The following ASCC1 variants were observed in gnomAD, a reference collection of about 807,000 sequenced individuals.
The protein encoded by ASCC1 is activating signal cointegrator 1 complex subunit 1.
A neutral mutation model predicts 46.6 loss-of-function variants in ASCC1; 35 were observed. The observed-to-expected ratio is 0.75, with a 90% CI of 0.57 to 0.99. The LOEUF (loss-of-function observed/expected upper bound fraction) is 0.99. ASCC1 is among the 50% of genes least tolerant of loss of function. The pLI is 0.00. For synonymous variants in ASCC1, 143 were observed against 146.6 expected, an observed-to-expected ratio of 0.98 and a Z score of 0.18; for missense variants, 376 against 428.7, an observed-to-expected ratio of 0.88 and a Z score of 1.09.
At chr10:72,104,778 T>C (rs1373109034) in intron 9 of ASCC1, among the ~76,000 whole-genome samples, 1 of 152,116 alleles carries the variant, frequency 6.6e-6, no homozygotes, top group Non-Finnish European at 1.5e-5. Context: ...TACAAATATT[T>C]AATGAGGAAA....
chr10:72,134,831 G>A (rs556298681), intron 7 of ASCC1, among the ~76,000 whole-genome samples: 3 of 152,230 alleles, frequency 2.0e-5, no homozygotes, highest in South Asian at 4.1e-4. Context: ...GGGAAAAAAG[G>A]AATAACCGTA....
intron 9 of ASCC1, among the ~76,000 whole-genome samples, chr10:72,103,217 C>G (rs1589157901): frequency 1.3e-5 from 2 of 151,094 alleles, no homozygotes; most frequent in Non-Finnish European, 3.0e-5. Flanking sequence ...ACTGCAAGCT[C>G]CACCTCCCGG....
At chr10:72,125,753 AAGG>A (rs1403193906) in intron 9 of ASCC1, among the ~76,000 whole-genome samples, 1 of 152,188 alleles carries the variant, frequency 6.6e-6, no homozygotes, top group Non-Finnish European at 1.5e-5. Flanking sequence ...TACTATACTA[AAGG>A]ATACGTCATC....
chr10:72,195,040 C>T (rs1855153324), intron 5 of ASCC1, among the ~76,000 whole-genome samples: 1 of 151,868 alleles, frequency 6.6e-6, no homozygotes, highest in South Asian at 2.1e-4. Context: ...CCATGCCCGG[C>T]CCAGATTATG....
chr10:72,163,716 C>CA (rs1237363149), intron 5 of ASCC1, among the ~76,000 whole-genome samples: 1 of 151,574 alleles, frequency 6.6e-6, no homozygotes, highest in African/African-American at 2.4e-5. Context: ...GCCTAGGAGA[C>CA]AGAGTGAGAC....
In ASCC1 at chr10:72,207,981, TA is replaced by T. The variant is rs1276269229; in HGVS notation, c.212+2750del. On this transcript the variant is annotated intron_variant, in intron 3 of 9. Transcript: ENST00000672957. The stretch of plus-strand genomic sequence containing the variant: ...CACTCACTACCACGCCTGGCTAATT[TA>T]TTTTTTTTATTTTTATTTTTTGTTG... Among the ~76,000 whole-genome samples the T allele has an allele frequency of 5.3e-5, 8 of 152,072 alleles. No individual in the cohort carries two copies. In the East Asian group the frequency reaches 1.5e-3, roughly 29 times the overall value.
At chr10:72,173,365 C>A (rs1851472697) in intron 5 of ASCC1, among the ~76,000 whole-genome samples, 1 of 152,086 alleles carries the variant, frequency 6.6e-6, no homozygotes, top group Non-Finnish European at 1.5e-5. Context: ...CCTTTGGGAG[C>A]CTAGCACTCT....
At chr10:72,216,715 C>T (rs942283181), upstream of ASCC1, 6 of 414,500 alleles carry the variant, frequency 1.4e-5, no homozygotes, top group African/African-American at 4.1e-5. Context: ...TCATCCCTGC[C>T]GTACATGAAG....
At chr10:72,188,751 GTTCT>G (rs1316394710) in intron 5 of ASCC1, among the ~76,000 whole-genome samples, 2 of 151,998 alleles carry the variant, frequency 1.3e-5, no homozygotes, top group Non-Finnish European at 1.5e-5. Flanking sequence ...ACCATGCTGA[GTTCT>G]TTATGTCATC....
chr10:72,163,533 G>A lies in ASCC1; in HGVS notation c.490-1859C>T, dbSNP rs191260708. On this transcript the variant is annotated intron_variant, in intron 5 of 9. Coordinates refer to ENST00000672957, the MANE Select transcript of ASCC1 (RefSeq NM_001198800.3). ...GCAGATCACCTGAGGTCAGGAGTTC[G>A]AGACCAGACTGACCAACATGGCAAA... Among the ~76,000 whole-genome samples, 570 of 152,102 alleles carry A rather than the reference G, an allele frequency of 3.7e-3. 1 individual carries two copies. The Middle Eastern group carries it at 0.041, about 11-fold the overall frequency.
chr10:72,148,127 T>A (rs574210878), intron 7 of ASCC1, among the ~76,000 whole-genome samples: 1 of 152,146 alleles, frequency 6.6e-6, no homozygotes, highest in Non-Finnish European at 1.5e-5. Flanking sequence ...ATTTACAGGT[T>A]TTTTTTAAGT....
chr10:72,162,332 G>A (rs538665231), intron 5 of ASCC1, among the ~76,000 whole-genome samples: 5 of 151,810 alleles, frequency 3.3e-5, no homozygotes, highest in African/African-American at 9.7e-5. Flanking sequence ...CACCACGCCC[G>A]GCTAATTTTT....
intron 5 of ASCC1, among the ~76,000 whole-genome samples, chr10:72,163,370 A>G (rs772584564): frequency 6.6e-6 from 1 of 152,238 alleles, no homozygotes; most frequent in Admixed American, 6.5e-5. Flanking sequence ...ACCCAAATGT[A>G]TATCAACAGA....
intron 6 of ASCC1, among the ~76,000 whole-genome samples, 155 bp downstream of exon 6, chr10:72,161,382 GT>G (rs1171487685): frequency 6.6e-6 from 1 of 152,176 alleles, no homozygotes; most frequent in Non-Finnish European, 1.5e-5. Context: ...ATGGAATCTG[GT>G]ATGAGAGGTT....
intron 5 of ASCC1, among the ~76,000 whole-genome samples, chr10:72,175,903 G>C (rs1288166466): frequency 6.6e-6 from 1 of 152,200 alleles, no homozygotes; most frequent in Non-Finnish European, 1.5e-5. Flanking sequence ...AACAGCGCAA[G>C]AGAGATCTGT....
intron 7 of ASCC1, among the ~76,000 whole-genome samples, chr10:72,139,270 C>T (rs551756456): frequency 2.0e-5 from 3 of 151,922 alleles, no homozygotes; most frequent in Non-Finnish European, 4.4e-5. Context: ...CCCGCCACCA[C>T]GCCCGGCTAA....
chr10:72,190,905 A>G (rs1469484042), intron 5 of ASCC1, among the ~76,000 whole-genome samples: 2 of 148,276 alleles, frequency 1.3e-5, no homozygotes, highest in Non-Finnish European at 1.5e-5. Flanking sequence ...CTGAGGCAGG[A>G]GAATCGCTTG....
chr10:72,114,279 G>A (rs1843244363), intron 9 of ASCC1, among the ~76,000 whole-genome samples: 1 of 152,132 alleles, frequency 6.6e-6, no homozygotes, highest in South Asian at 2.1e-4. Context: ...ATGAGCTATA[G>A]GTATATTCAG....
chr10:72,215,133 T>G (rs1858944149), intron 1 of ASCC1, among the ~76,000 whole-genome samples: 1 of 152,230 alleles, frequency 6.6e-6, no homozygotes, highest in African/African-American at 2.4e-5. Flanking sequence ...GTGGGCGCGG[T>G]GGCTCACGTC....
Sources: gnomAD v4.1 joint callset for allele counts (sites outside exome capture counted in the v4.1 genomes callset) on GRCh38, gnomAD v4.1.1 for gene constraint, MANE v1.5 for transcripts, NCBI Gene and HGNC (gene_info 2026-07-23, HGNC 2026-07-21) for gene names.